CSNK1D: variants seen among roughly 807,000 people sequenced by gnomAD.
CSNK1D encodes casein kinase 1 delta.
In CSNK1D, 16 loss-of-function variants were observed where a neutral mutation model predicts 46.6. The observed-to-expected ratio is 0.34, with a 90% CI of 0.23 to 0.52. The LOEUF (loss-of-function observed/expected upper bound fraction) is 0.52, where lower values mean the gene tolerates loss of function less well. CSNK1D is among the 20% of genes least tolerant of loss of function. CSNK1D has a pLI of 0.95. For synonymous variants in CSNK1D, 276 were observed against 228.2 expected, an observed-to-expected ratio of 1.21 and a Z score of -1.89; for missense variants, 398 against 578.4, an observed-to-expected ratio of 0.69 and a Z score of 3.20.
chr17:82,242,662 G>C, downstream of CSNK1D: 1 of 985,362 alleles, frequency 1.0e-6, no homozygotes, highest in Non-Finnish European at 1.2e-6. Context: ...GAAAGGGGAG[G>C]GAAGAAAGGT....
chr17:82,248,437 A>C lies in CSNK1D; in HGVS notation c.1197+438T>G. ...ATGCCACCAGGGAGGGTCTCACAAG[A>C]AGCCCGTGGAGGTCCCTACGGGCCT... On this transcript the variant is annotated intron_variant, in intron 8 of 8. Transcript: ENST00000314028. This position sits in a 1 kb window ranked among gnomAD's most constrained non-coding sequence, Gnocchi z 4.1. 3.9e-6 allele frequency: 4 copies of C among 1,024,442 alleles called. No individual in the cohort carries two copies. In the South Asian group the frequency reaches 1.0e-4, roughly 27 times the overall value. The allele number at this position is 1,024,442 out of a possible 1,614,324, so 63.5% of individuals were successfully genotyped here.
Position 82,243,457 on chromosome 17 carries a change from G to C in CSNK1D, c.*1324C>G. 1.0e-6 allele frequency: 1 copy of C among 985,526 alleles called. No individual in the cohort carries two copies. Among genetic ancestry groups the C allele is most frequent in the African/African-American group, 1.7e-5 (1 of 57,362 alleles). 61.0% of individuals were successfully genotyped at this position (985,526 alleles called of 1,614,324 possible). On this transcript the variant is annotated 3_prime_UTR_variant, in exon 9 of 9. Transcript: ENST00000314028. ...ATCCTGGGAACCTCAGGGCACAGCA[G>C]CATGGAGCCTGGGGCAGCACCAGCT...
intron 1 of CSNK1D, among the ~76,000 whole-genome samples, chr17:82,272,765 G>A (rs1405130400): frequency 1.3e-5 from 2 of 152,224 alleles, no homozygotes; most frequent in East Asian, 3.9e-4. Flanking sequence ...CAGCCTCTGA[G>A]GGGGCAGCCA....
chr17:82,244,356 G>A lies in CSNK1D; in HGVS notation c.*425C>T, dbSNP rs867866356. On this transcript the variant is annotated 3_prime_UTR_variant, in exon 9 of 9. Coordinates refer to ENST00000314028, the MANE Select transcript of CSNK1D (RefSeq NM_001893.6). ...AAAAACAGACAAGAAACAATAAAAA[G>A]ACAGATTTTCTTTACACAGATTTAA... 3 of 1,100,970 alleles carry A rather than the reference G, an allele frequency of 2.7e-6. No individual in the cohort carries two copies. Among genetic ancestry groups the A allele is most frequent in the Non-Finnish European group, 2.2e-6 (2 of 898,100 alleles). 68.2% of individuals were successfully genotyped at this position (1,100,970 alleles called of 1,614,324 possible). A position where few individuals can be genotyped will look rare whatever the true frequency, so the allele number is the denominator to read the frequency against.
In CSNK1D at chr17:82,251,541, A is replaced by C; in HGVS notation, c.737-14T>G. Reference sequence around the variant, plus strand: ...TGGCAAATTCGGCTACAAAACAAGAAACTCAAAGCTAACTCATGAAACCCA... The same window carrying C: ...TGGCAAATTCGGCTACAAAACAAGACACTCAAAGCTAACTCATGAAACCCA... On this transcript the variant is annotated splice_polypyrimidine_tract_variant and intron_variant, in intron 5 of 8. Coordinates refer to ENST00000314028, the MANE Select transcript of CSNK1D (RefSeq NM_001893.6). This position sits in a 1 kb window ranked among gnomAD's most constrained non-coding sequence, Gnocchi z 4.5. 3 of 1,613,754 alleles carry C rather than the reference A, an allele frequency of 1.9e-6. No individual in the cohort carries two copies. Among genetic ancestry groups the C allele is most frequent in the Non-Finnish European group, 2.5e-6 (3 of 1,179,912 alleles).
At chr17:82,245,603 C>G in intron 8 of CSNK1D, 1 of 332,724 alleles carries the variant, frequency 3.0e-6, no homozygotes, top group Non-Finnish European at 5.8e-6. Context: ...CCCCTCCAGG[C>G]ACGGCCGACC....
At chr17:82,263,137 G>A (rs569415477) in intron 2 of CSNK1D, among the ~76,000 whole-genome samples, 7 of 152,286 alleles carry the variant, frequency 4.6e-5, no homozygotes, top group African/African-American at 1.2e-4. Context: ...CCAAGATTGC[G>A]CCATTGCACT....
Position 82,248,401 on chromosome 17 carries a change from C to A in CSNK1D, c.1197+474G>T. On this transcript the variant is annotated intron_variant, in intron 8 of 8. Transcript: ENST00000314028. The surrounding 1 kb of genome is among the most constrained non-coding windows in gnomAD (Gnocchi z 4.1). ...GAGGCCGTCAAAAGAAGGAAAGCCT[C>A]GTTGCAGGGCATGCCACCAGGGAGG... is the stretch of plus-strand genomic sequence containing the variant. 2 of 1,003,622 alleles carry A rather than the reference C, an allele frequency of 2.0e-6. No homozygotes were observed. Among genetic ancestry groups the A allele is most frequent in the Non-Finnish European group, 2.4e-6 (2 of 839,754 alleles). 62.2% of individuals were successfully genotyped at this position (1,003,622 alleles called of 1,614,324 possible). A position where few individuals can be genotyped will look rare whatever the true frequency, so the allele number is the denominator to read the frequency against.
intron 8 of CSNK1D, among the ~76,000 whole-genome samples, chr17:82,245,771 C>T (rs1169819160): frequency 6.6e-6 from 1 of 152,252 alleles, no homozygotes; most frequent in Non-Finnish European, 1.5e-5. Flanking sequence ...TGTTCCAAAG[C>T]TCTCTGTGGA....
Position 82,244,337 on chromosome 17 carries a change from A to G in CSNK1D, c.*444T>C, listed in dbSNP as rs2050796262. 1 of 1,102,246 alleles carries G rather than the reference A, an allele frequency of 9.1e-7. No individual in the cohort carries two copies. Among genetic ancestry groups the G allele is most frequent in the Non-Finnish European group, 1.1e-6 (1 of 896,906 alleles). 68.3% of individuals were successfully genotyped at this position (1,102,246 alleles called of 1,614,324 possible). ...ATTTTTTTTGTAAGACTGCAAAAACAGACAAGAAACAATAAAAAGACAGAT... is the reference window on the plus strand; with the variant it reads ...ATTTTTTTTGTAAGACTGCAAAAACGGACAAGAAACAATAAAAAGACAGAT... On this transcript the variant is annotated 3_prime_UTR_variant, in exon 9 of 9. Coordinates refer to ENST00000314028, the MANE Select transcript of CSNK1D (RefSeq NM_001893.6).
In CSNK1D at chr17:82,265,666, TGTGACTG is replaced by T. The variant is rs1568582512; in HGVS notation, c.187+13_187+19del. Reference sequence around the variant, plus strand: ...GTCAAACAGAACCCTGGTGTTGCTCTGTGACTGGTAAAGACCTACCTCCTCCCTGCAT... The same window carrying T: ...GTCAAACAGAACCCTGGTGTTGCTCTGTAAAGACCTACCTCCTCCCTGCAT... On this transcript the variant is annotated intron_variant, in intron 2 of 8. Coordinates refer to ENST00000314028, the MANE Select transcript of CSNK1D (RefSeq NM_001893.6). 2.5e-6 allele frequency: 4 copies of T among 1,574,220 alleles called. No homozygotes were observed. The highest frequency in any genetic ancestry group is 1.7e-6 in the Non-Finnish European group (2 of 1,143,688).
chr17:82,266,186 A>G (rs1374520808), intron 1 of CSNK1D, among the ~76,000 whole-genome samples: 1 of 152,002 alleles, frequency 6.6e-6, no homozygotes, highest in Non-Finnish European at 1.5e-5. Context: ...CCTTTTCTCC[A>G]TGCTGCCTGA....
chr17:82,262,871 T>C (rs2051375514), intron 2 of CSNK1D, among the ~76,000 whole-genome samples: 1 of 152,242 alleles, frequency 6.6e-6, no homozygotes, highest in African/African-American at 2.4e-5. Context: ...TTTTCTAAAA[T>C]GCAGATCTTT....
At position 82,273,687 on chromosome 17, in the gene CSNK1D, C is replaced by T; in HGVS notation, c.-306G>A. 4 of 502,714 alleles carry T rather than the reference C, an allele frequency of 8.0e-6. No homozygotes were observed. The highest frequency in any genetic ancestry group is 6.1e-5 in the South Asian group (2 of 32,716). 31.1% of individuals were successfully genotyped at this position (502,714 alleles called of 1,614,324 possible). A position where few individuals can be genotyped will look rare whatever the true frequency, so the allele number is the denominator to read the frequency against. On this transcript the variant is annotated 5_prime_UTR_variant, in exon 1 of 9. Transcript: ENST00000314028. This position sits in a 1 kb window ranked among gnomAD's most constrained non-coding sequence, Gnocchi z 5.1. ...CCTTTCAGCTGCCTAAAGGAGCCGC[C>T]GCCATCGCGCTGTGACGTCACTTCC...
intron 8 of CSNK1D, chr17:82,247,158 T>G (rs2147155572): frequency 1.0e-6 from 1 of 985,226 alleles, no homozygotes; most frequent in Non-Finnish European, 1.2e-6. Context: ...CCAAACCAGC[T>G]CTCTCTGGAG....
chr17:82,248,550 C>T lies in CSNK1D; in HGVS notation c.1197+325G>A, dbSNP rs541455720. 34 of 1,190,932 alleles carry T rather than the reference C, an allele frequency of 2.9e-5. 1 individual carries two copies. In the South Asian group the frequency reaches 3.5e-4, roughly 12 times the overall value. 73.8% of individuals were successfully genotyped at this position (1,190,932 alleles called of 1,614,324 possible). A position where few individuals can be genotyped will look rare whatever the true frequency, so the allele number is the denominator to read the frequency against. ...CCACAATGGGGCGCAAGCAGGCGAG[C>T]GGTGTCAGCTGCCTGGGGACGGCTG... On this transcript the variant is annotated intron_variant, in intron 8 of 8. Coordinates refer to ENST00000314028, the MANE Select transcript of CSNK1D (RefSeq NM_001893.6). The surrounding 1 kb of genome is among the most constrained non-coding windows in gnomAD (Gnocchi z 4.1).
chr17:82,257,828 A>G (rs1038123841), intron 2 of CSNK1D, among the ~76,000 whole-genome samples: 1 of 152,252 alleles, frequency 6.6e-6, no homozygotes, highest in Non-Finnish European at 1.5e-5. Flanking sequence ...ACAAACCTGG[A>G]GTAAGAGGTT....
intron 8 of CSNK1D, chr17:82,247,932 G>A (rs978183889): frequency 4.1e-6 from 4 of 985,370 alleles, no homozygotes; most frequent in African/African-American, 1.7e-5. Flanking sequence ...AAGTGGTCAA[G>A]AGTGCTCCCC....
Position 82,255,234 on chromosome 17 carries a change from G to A in CSNK1D, c.336+195C>T, listed in dbSNP as rs942161888. 9 of 693,984 alleles carry A rather than the reference G, an allele frequency of 1.3e-5. No homozygotes were observed. Among genetic ancestry groups the A allele is most frequent in the South Asian group, 4.8e-5 (3 of 62,628 alleles). The allele number at this position is 693,984 out of a possible 1,614,324, so 43.0% of individuals were successfully genotyped here. A position where few individuals can be genotyped will look rare whatever the true frequency, so the allele number is the denominator to read the frequency against. On this transcript the variant is annotated intron_variant, in intron 3 of 8. Coordinates refer to ENST00000314028, the MANE Select transcript of CSNK1D (RefSeq NM_001893.6). This position sits in a 1 kb window ranked among gnomAD's most constrained non-coding sequence, Gnocchi z 5.9. ...CAGTGAGCTGGGCCGCCGGAGCCTC[G>A]AGAAGCCAGTGAGCGGAGCCACCGG... is the stretch of plus-strand genomic sequence containing the variant.
Sources: gnomAD v4.1 joint callset for allele counts (sites outside exome capture counted in the v4.1 genomes callset) on GRCh38, gnomAD v4.1.1 for gene constraint, Gnocchi (gnomAD v3.1) non-coding constraint, MANE v1.5 for transcripts, NCBI Gene and HGNC (gene_info 2026-07-23, HGNC 2026-07-21) for gene names.